The following POMGNT1 variants were observed in gnomAD, a reference collection of about 807,000 sequenced individuals.
POMGNT1 encodes the protein protein O-linked mannose N-acetylglucosaminyltransferase 1 (beta 1,2-).
A neutral mutation model predicts 95.6 loss-of-function variants in POMGNT1; 67 were observed. The observed-to-expected ratio is 0.70, with a 90% CI of 0.58 to 0.86. The LOEUF (loss-of-function observed/expected upper bound fraction) is 0.86, where lower values mean the gene tolerates loss of function less well. POMGNT1 is among the 40% of genes least tolerant of loss of function. POMGNT1 has a pLI of 0.00. For missense variants in POMGNT1, 719 were observed against 855.2 expected (o/e 0.84, Z 1.99); for synonymous variants, 298 against 317.9 (o/e 0.94, Z 0.66).
At chr1:46,212,333 T>C (rs1248046514) in intron 1 of POMGNT1, among the ~76,000 whole-genome samples, 1 of 151,150 alleles carries the variant, frequency 6.6e-6, no homozygotes, top group Non-Finnish European at 1.5e-5. Flanking sequence ...CAGGCTGGAG[T>C]GCAGTGGCGC....
In POMGNT1 at chr1:46,194,598, C is replaced by T. The variant is rs201525710; in HGVS notation, c.706G>A (p.Asp236Asn). The T allele has an allele frequency of 5.0e-6, 8 of 1,614,052 alleles. No homozygotes were observed. In the Admixed American group the frequency reaches 1.0e-4, roughly 20 times the overall value. Residue 236 changes from aspartate (D) to asparagine (N), a missense_variant, in exon 8 of 22, where the codon GAC (aspartate) becomes AAC (asparagine). This residue lies in a region of POMGNT1 where 466 missense variants were observed against 517.4 expected (regional missense o/e 0.90). Coordinates refer to ENST00000371984, the MANE Select transcript of POMGNT1 (RefSeq NM_017739.4). ...SKSPALSSWG[D>N]PVLLKTDVPL... ...ACATCTGTCTTCAGCAGGACTGGGTCCCCCCAGGAAGAGAGGGCAGGTGAT... is the reference window on the plus strand; with the variant it reads ...ACATCTGTCTTCAGCAGGACTGGGTTCCCCCAGGAAGAGAGGGCAGGTGAT...
At chr1:46,210,088 G>A (rs1287666736) in intron 1 of POMGNT1, among the ~76,000 whole-genome samples, 1 of 152,124 alleles carries the variant, frequency 6.6e-6, no homozygotes, top group Non-Finnish European at 1.5e-5. Context: ...GAGACTGCAA[G>A]CTTCTATTAA....
intron 1 of POMGNT1, among the ~76,000 whole-genome samples, chr1:46,204,727 G>A (rs1658659611): frequency 6.6e-6 from 1 of 152,208 alleles, no homozygotes; most frequent in Admixed American, 6.5e-5. Context: ...CTTGAAGGTT[G>A]GAGGTGAGTG....
Position 46,192,194 on chromosome 1 carries a change from C to T in POMGNT1, c.1443G>A (p.Met481Ile). Residue 481 changes from methionine (M) to isoleucine (I), a missense_variant, in exon 17 of 22, where the codon ATG becomes ATA. Met to Ile is a conservative substitution (Grantham distance 10). Coordinates refer to ENST00000371984, the MANE Select transcript of POMGNT1 (RefSeq NM_017739.4). ...ACTCTCGGCCCCGGCGTTGTTCAGG[C>T]ATCCGCATCCACATGTCCCAATCCC... ...KLWDWDMWMR[M>I]PEQRRGRECI... is the part of the protein sequence containing the mutation. 6.2e-7 allele frequency: 1 copy of T among 1,614,206 alleles called. No individual in the cohort carries two copies. Among genetic ancestry groups the T allele is most frequent in the Non-Finnish European group, 8.5e-7 (1 of 1,180,036 alleles).
At chr1:46,209,567 T>G (rs1286235533) in intron 1 of POMGNT1, among the ~76,000 whole-genome samples, 1 of 142,000 alleles carries the variant, frequency 7.0e-6, no homozygotes, top group African/African-American at 2.6e-5. Flanking sequence ...TTTTTTGAGA[T>G]GGAGTCTCGC....
intron 1 of POMGNT1, among the ~76,000 whole-genome samples, chr1:46,215,876 G>GGT (rs1431718140): frequency 6.6e-6 from 1 of 152,114 alleles, no homozygotes; most frequent in African/African-American, 2.4e-5. Context: ...CTCCAGCCTG[G>GGT]GCTATAGAGT....
Position 46,193,176 on chromosome 1 carries a change from G to C in POMGNT1, c.1150C>G (p.Pro384Ala), listed in dbSNP as rs1657924759. ...ASLTATFNLF[P>A]EAKFAVVLEE... ...AGAGTTGTATCCTTAGTACTCACCG[G>C]AAACAGGTTGAAAGTGGCAGTGAGG... Residue 384 changes from proline (P) to alanine (A), a missense_variant and splice_region_variant, in exon 13 of 22, where the codon CCG becomes GCG. Pro to Ala is a conservative substitution (Grantham distance 27). Coordinates refer to ENST00000371984, the MANE Select transcript of POMGNT1 (RefSeq NM_017739.4). 2 of 1,614,174 alleles carry C rather than the reference G, an allele frequency of 1.2e-6. No homozygotes were observed. Among genetic ancestry groups the C allele is most frequent in the Non-Finnish European group, 8.5e-7 (1 of 1,180,038 alleles).
chr1:46,196,765 C>A lies in POMGNT1; in HGVS notation c.320G>T (p.Arg107Leu). 6.2e-7 allele frequency: 1 copy of A among 1,614,190 alleles called. No homozygotes were observed. Among genetic ancestry groups the A allele is most frequent in the Non-Finnish European group, 8.5e-7 (1 of 1,180,038 alleles). ...ATCCACTGCCACATATACTTTGCTG[C>A]GACTTGAATACACCTCTACGTCCAG... ...RVLDVEVYSSRSKVYVAVDGT... is the reference protein window; with the variant it reads ...RVLDVEVYSSLSKVYVAVDGT... The change falls in exon 4 of 22, where the codon CGC (arginine) becomes CTC (leucine). Residue 107 changes from arginine (R) to leucine (L), a missense_variant. By Grantham distance (102) the Arg-to-Leu change is moderately radical. Around this residue, in one of 5 missense-constraint regions of POMGNT1, gnomAD observed 466 missense variants for 517.4 expected, o/e 0.90. Transcript: ENST00000371984. The surrounding 1 kb of genome is among the most constrained non-coding windows in gnomAD (Gnocchi z 4.4).
Position 46,192,367 on chromosome 1 carries a change from C to A in POMGNT1, c.1354G>T (p.Val452Leu). ...RVETMPGLGW[V>L]LRRSLYKEEL... ...TCCTTGTACAAGGACCTCCTGAGCA[C>A]CCAGCCCAGCCCAGGCATGGTCTCC... The change falls in exon 16 of 22, where the codon GTG becomes TTG. Residue 452 changes from valine (V) to leucine (L), a missense_variant. Transcript: ENST00000371984. The A allele has an allele frequency of 6.2e-7, 1 of 1,614,202 alleles. No homozygotes were observed. Among genetic ancestry groups the A allele is most frequent in the Non-Finnish European group, 8.5e-7 (1 of 1,180,026 alleles).
intron 1 of POMGNT1, among the ~76,000 whole-genome samples, chr1:46,213,187 C>T (rs1334326433): frequency 6.6e-6 from 1 of 151,190 alleles, no homozygotes; most frequent in Admixed American, 6.6e-5. Flanking sequence ...AGTCATCATA[C>T]GACCAAAACA....
upstream of POMGNT1, chr1:46,198,542 T>TGGCGGCGGCGGC (rs930297008): frequency 1.3e-5 from 1 of 76,384 alleles, no homozygotes; most frequent in Admixed American, 1.4e-4. Flanking sequence ...GCGGCGGCGG[T>TGGCGGCGGCGGC]GGCGGCAGCG....
intron 1 of POMGNT1, among the ~76,000 whole-genome samples, chr1:46,203,904 G>C (rs1267059998): frequency 6.6e-6 from 1 of 152,096 alleles, no homozygotes; most frequent in Non-Finnish European, 1.5e-5. Flanking sequence ...GGAGGAGAGA[G>C]ATGAGGACTG....
upstream of POMGNT1, among the ~76,000 whole-genome samples, chr1:46,200,848 CA>C (rs1004174187): frequency 2.1e-4 from 32 of 152,218 alleles, no homozygotes; most frequent in African/African-American, 7.7e-4. Context: ...TTCTTTAAGG[CA>C]AATGTTGCCG....
intron 1 of POMGNT1, among the ~76,000 whole-genome samples, chr1:46,212,577 G>C (rs1044787389): frequency 6.6e-6 from 1 of 151,012 alleles, no homozygotes; most frequent in African/African-American, 2.4e-5. Context: ...CACTGCACCC[G>C]GCCAAATTTT....
rs57919535 is a variant in POMGNT1 at position 46,211,439 on chromosome 1, GCACACA to G, written c.-51+8260_-51+8265del. 8.4e-3 allele frequency among the ~76,000 whole-genome samples: 661 copies of G among 79,040 alleles called. 9 individuals are homozygous for G. The highest frequency in any genetic ancestry group is 0.02 in the African/African-American group (577 of 28,852). 51.9% of individuals were successfully genotyped at this position (79,040 alleles called of 152,430 possible). ...TGAGCCAAAAACTGGATGAAAACCTGCACACACACACACACACACACACACACACAC... is the reference window on the plus strand; with the variant it reads ...TGAGCCAAAAACTGGATGAAAACCTGCACACACACACACACACACACACAC... On this transcript the variant is annotated intron_variant, in intron 1 of 22. Coordinates refer to the POMGNT1 transcript ENST00000371992.
chr1:46,198,061 CCT>C (rs1557679438), intron 1 of POMGNT1, 190 bp from the exon 2 acceptor site: 1 of 578,376 alleles, frequency 1.7e-6, no homozygotes, highest in African/African-American at 1.9e-5. Flanking sequence ...CTGGAAATTC[CCT>C]GAGACTGGAG....
chr1:46,216,292 C>T (rs1032834605), intron 1 of POMGNT1, among the ~76,000 whole-genome samples: 1 of 151,856 alleles, frequency 6.6e-6, no homozygotes. Flanking sequence ...GTGATCCACC[C>T]GCCTCGGCCT....
In POMGNT1 at chr1:46,189,477, C is replaced by A; in HGVS notation, c.1876G>T (p.Val626Phe). The A allele has an allele frequency of 6.2e-7, 1 of 1,613,556 alleles. No individual in the cohort carries two copies. The highest frequency in any genetic ancestry group is 1.7e-4 in the Middle Eastern group (1 of 6,056). Residue 626 changes from valine (V) to phenylalanine (F), a missense_variant, in exon 21 of 22, where the codon GTC (valine) becomes TTC (phenylalanine). This residue lies in a region of POMGNT1 where 130 missense variants were observed against 149.2 expected (regional missense o/e 0.87). Coordinates refer to ENST00000371984, the MANE Select transcript of POMGNT1 (RefSeq NM_017739.4). Reference sequence around the variant, plus strand: ...ACTCACGAGTAGGGGGAAGCCGGGACCCCCACCATCAGGAAGTGGTTCTTC... The same window carrying A: ...ACTCACGAGTAGGGGGAAGCCGGGAACCCCACCATCAGGAAGTGGTTCTTC... ...RKKNHFLMVG[V>F]PASPYSVKKP... is the part of the protein sequence containing the mutation.
upstream of POMGNT1, among the ~76,000 whole-genome samples, chr1:46,201,296 G>C (rs1031130280): frequency 6.6e-6 from 1 of 151,864 alleles, no homozygotes; most frequent in Non-Finnish European, 1.5e-5. Context: ...AGGATTGCTT[G>C]AGGCCAGGAG....
Sources: allele counts gnomAD v4.1 joint callset (sites outside exome capture counted in the v4.1 genomes callset), GRCh38; gene constraint gnomAD v4.1.1; regional missense constraint gnomAD v4.1.1; non-coding constraint Gnocchi (gnomAD v3.1); transcripts MANE v1.5; gene names NCBI Gene and HGNC (gene_info 2026-07-23, HGNC 2026-07-21).